PER3: variants seen among roughly 807,000 people sequenced by gnomAD.
The protein encoded by PER3 is period circadian protein homolog 3.
A neutral mutation model predicts 127.2 loss-of-function variants in PER3; 107 were observed. The observed-to-expected ratio is 0.84, with a 90% CI of 0.72 to 0.99. PER3 has a LOEUF of 0.99. PER3 is among the 50% of genes least tolerant of loss of function. PER3 has a pLI of 0.00. For missense variants in PER3, 1,560 were observed against 1,525.8 expected (o/e 1.02, Z -0.37); for synonymous variants, 618 against 585.8 (o/e 1.05, Z -0.79).
intron 13 of PER3, among the ~76,000 whole-genome samples, chr1:7,815,991 C>CAAAAAAAAAAAAAAAA (rs34144861): frequency 1.5e-5 from 1 of 67,662 alleles, no homozygotes; most frequent in East Asian, 7.7e-4. Flanking sequence ...GACTCCGTCT[C>CAAAAAAAAAAAAAAAA]AAAAAAAAAA....
chr1:7,790,191 G>A (rs879661830), intron 5 of PER3, among the ~76,000 whole-genome samples: 2 of 152,032 alleles, frequency 1.3e-5, no homozygotes, highest in Non-Finnish European at 2.9e-5. Context: ...CCATTCTTAC[G>A]CTGCTATAAA....
At chr1:7,809,090 G>T (rs1211263609) in intron 11 of PER3, 92 bp downstream of exon 11, 7 of 645,956 alleles carry the variant, frequency 1.1e-5, no homozygotes, top group South Asian at 4.1e-5. Context: ...AACTGTAAAG[G>T]GAGACAAATC....
intron 13 of PER3, among the ~76,000 whole-genome samples, chr1:7,819,059 C>T (rs145475977): frequency 6.6e-6 from 1 of 152,184 alleles, no homozygotes; most frequent in African/African-American, 2.4e-5. Context: ...TAAATACAAT[C>T]GTAGCCATTC....
chr1:7,839,095 T>C (rs898980125), intron 21 of PER3, among the ~76,000 whole-genome samples: 1 of 152,216 alleles, frequency 6.6e-6, no homozygotes, highest in Non-Finnish European at 1.5e-5. Flanking sequence ...GCTCATTTCC[T>C]GTTGTGTATA....
Position 7,792,417 on chromosome 1 carries a change from G to A in PER3, c.593-1540G>A, listed in dbSNP as rs140389986. Among the ~76,000 whole-genome samples, 553 of 152,302 alleles carry A rather than the reference G, an allele frequency of 3.6e-3. 22 individuals carry two copies. In the East Asian group the frequency reaches 0.083, roughly 23 times the overall value. ...AACTACAATTCAAGATGAGATTTGG[G>A]TGGGGACACAGCCAAACCATATCAC... On this transcript the variant is annotated intron_variant, in intron 5 of 21. Transcript: ENST00000377532.
At chr1:7,822,182 G>A (rs1405034663) in intron 16 of PER3, among the ~76,000 whole-genome samples, 1 of 152,278 alleles carries the variant, frequency 6.6e-6, no homozygotes, top group East Asian at 1.9e-4. Context: ...AAGACAGGAG[G>A]ATTGTTTGAA....
At chr1:7,842,230 C>T (rs553211535) in intron 21 of PER3, among the ~76,000 whole-genome samples, 5 of 152,204 alleles carry the variant, frequency 3.3e-5, no homozygotes, top group Admixed American at 6.5e-5. Context: ...AGGCTGGGCG[C>T]GGTGTCTACT....
chr1:7,785,322 C>T (rs1292065426), intron 2 of PER3, 119 bp from the exon 3 acceptor site: 2 of 768,522 alleles, frequency 2.6e-6, no homozygotes, highest in East Asian at 5.2e-5. Context: ...GGTCACCACC[C>T]TGTGGACTGA....
chr1:7,794,069 G>A (rs2097134225), intron 6 of PER3, 61 bp downstream of exon 6: 2 of 1,386,194 alleles, frequency 1.4e-6, no homozygotes, highest in Admixed American at 1.7e-5. Flanking sequence ...TTATTTTGCA[G>A]TTGGTTTGAT....
intron 18 of PER3, among the ~76,000 whole-genome samples, chr1:7,828,940 A>C (rs926778354): frequency 7.3e-5 from 11 of 151,062 alleles, no homozygotes; most frequent in African/African-American, 2.2e-4. Flanking sequence ...GCTGAGTGAC[A>C]AAAAAAAACT....
At chr1:7,799,976 C>G (rs1207250859) in intron 7 of PER3, among the ~76,000 whole-genome samples, 1 of 151,894 alleles carries the variant, frequency 6.6e-6, no homozygotes, top group African/African-American at 2.4e-5. Flanking sequence ...CAGGGTCACA[C>G]TATGTTGCCC....
In PER3 at chr1:7,820,614, T is replaced by C. The variant is rs1198453686; in HGVS notation, c.1931T>C (p.Ile644Thr). Residue 644 changes from isoleucine to threonine, a missense_variant, in exon 16 of 22, where the codon ATT becomes ACT. Physicochemically the swap from Ile to Thr is moderately conservative, Grantham distance 89 (BLOSUM62 -1). Around this residue, in one of 3 missense-constraint regions of PER3, gnomAD observed 1,332 missense variants for 1,223.6 expected, o/e 1.09. Coordinates refer to ENST00000377532, the MANE Select transcript of PER3 (RefSeq NM_001377275.1). ...AGCCAATGCGGTTACAGCAGCACCA[T>C]TGTCCATGTCCCACCCCCAGAGACA... The part of the protein sequence containing the change: ...GISQCGYSST[I>T]VHVPPPETAR... The C allele has an allele frequency of 1.3e-5, 21 of 1,613,770 alleles. No individual in the cohort carries two copies. The highest frequency in any genetic ancestry group is 1.6e-4 in the Middle Eastern group (1 of 6,062).
rs368019160 is a variant in PER3 at position 7,835,912 on chromosome 1, A to G, written c.3365A>G (p.Glu1122Gly). 107 of 1,611,184 alleles carry G rather than the reference A, an allele frequency of 6.6e-5. No homozygotes were observed. The highest frequency in any genetic ancestry group is 9.1e-5 in the Non-Finnish European group (107 of 1,177,368). Residue 1122 changes from glutamate (E) to glycine (G), a missense_variant, in exon 20 of 22, where the codon GAG becomes GGG. Glu to Gly is a moderately conservative substitution (Grantham distance 98). This residue lies in a region of PER3 where 199 missense variants were observed against 198.6 expected (regional missense o/e 1.00). Transcript: ENST00000377532. ...TGGAGAATGATACGGCAGACACCTG[A>G]GCGCATTCTCATGACATACCAGGTA... Reference protein sequence around the residue: ...PIWRMIRQTPERILMTYQVPE... With the variant: ...PIWRMIRQTPGRILMTYQVPE...
chr1:7,818,208 G>A (rs932506032), intron 13 of PER3, among the ~76,000 whole-genome samples: 1 of 152,066 alleles, frequency 6.6e-6, no homozygotes, highest in Non-Finnish European at 1.5e-5. Flanking sequence ...TCCTAGTTGG[G>A]GTCATTTTAT....
In PER3 at chr1:7,788,238, C is replaced by T. The variant is rs746102872; in HGVS notation, c.584C>T (p.Thr195Ile). 1 of 1,610,884 alleles carries T rather than the reference C, an allele frequency of 6.2e-7. No homozygotes were observed. The highest frequency in any genetic ancestry group is 8.5e-7 in the Non-Finnish European group (1 of 1,177,090). The change falls in exon 5 of 22, where the codon ACC (threonine) becomes ATC (isoleucine). Residue 195 changes from threonine to isoleucine, a missense_variant. This residue lies in a region of PER3 where 1,332 missense variants were observed against 1,223.6 expected (regional missense o/e 1.09). Coordinates refer to ENST00000377532, the MANE Select transcript of PER3 (RefSeq NM_001377275.1). ...RAQLPFWNNW[T>I]QRAAARYECA... Reference sequence around the variant, plus strand: ...CAGCTTCCTTTCTGGAACAACTGGACCCAAAGAGGTAACAGGACCAATGTT... The same window carrying T: ...CAGCTTCCTTTCTGGAACAACTGGATCCAAAGAGGTAACAGGACCAATGTT...
chr1:7,825,916 C>G (rs79318555), intron 16 of PER3, among the ~76,000 whole-genome samples: 1 of 149,730 alleles, frequency 6.7e-6, no homozygotes, highest in African/African-American at 2.5e-5. Flanking sequence ...TGAACAAATA[C>G]AAAATTTAGC....
intron 21 of PER3, 37 bp from the exon 22 acceptor site, chr1:7,842,635 A>G (rs1256692268): frequency 6.2e-7 from 1 of 1,611,072 alleles, no homozygotes; most frequent in Admixed American, 1.7e-5. Context: ...GGTGACATTG[A>G]CATCAAGTAA....
At position 7,843,716 on chromosome 1, in the gene PER3, GA is replaced by G. The variant is rs747218753; in HGVS notation, c.*963del. 1.0e-4 allele frequency: 17 copies of G among 166,978 alleles called. No homozygotes were observed. Among genetic ancestry groups the G allele is most frequent in the Non-Finnish European group, 1.9e-4 (15 of 78,292 alleles). The allele number at this position is 166,978 out of a possible 1,614,324, so 10.3% of individuals were successfully genotyped here. A position where few individuals can be genotyped will look rare whatever the true frequency, so the allele number is the denominator to read the frequency against. ...CTGGCACTGCCTTTTGTTTGCCCTT[GA>G]ACAGGGCAGTGTTGTGGGGACTGCA... On this transcript the variant is annotated 3_prime_UTR_variant, in exon 22 of 22. Transcript: ENST00000377532.
chr1:7,809,234 T>A (rs575015206), intron 11 of PER3, among the ~76,000 whole-genome samples: 1 of 152,332 alleles, frequency 6.6e-6, no homozygotes, highest in South Asian at 2.1e-4. Context: ...ACCACGTGAC[T>A]GAGAGAATTA....
Sources: allele counts gnomAD v4.1 joint callset (sites outside exome capture counted in the v4.1 genomes callset), GRCh38; gene constraint gnomAD v4.1.1; regional missense constraint gnomAD v4.1.1; transcripts MANE v1.5; gene names NCBI Gene and HGNC (gene_info 2026-07-23, HGNC 2026-07-21).